Variants in KCNN2 observed in about 807,000 individuals in gnomAD.
The protein encoded by KCNN2 is small conductance calcium-activated potassium channel protein 2.
KCNN2 carries 24 observed loss-of-function variants against 55.5 expected under a neutral mutation model. The observed-to-expected ratio is 0.43, with a 90% CI of 0.31 to 0.61. KCNN2 has a LOEUF of 0.61. KCNN2 is among the 20% of genes least tolerant of loss of function. The pLI, the probability that KCNN2 is intolerant of heterozygous loss-of-function variation, is 0.08. For synonymous variants in KCNN2, 431 were observed against 336.1 expected (o/e 1.28, Z -3.09); for missense variants, 754 against 853.6 (o/e 0.88, Z 1.45).
intron 3 of KCNN2, among the ~76,000 whole-genome samples, chr5:114,449,458 C>T (rs1760555041): frequency 6.6e-6 from 1 of 152,178 alleles, no homozygotes; most frequent in African/African-American, 2.4e-5. Context: ...GAATATAGAG[C>T]ACACAGTCTG....
chr5:114,437,871 C>G (rs942193429), intron 3 of KCNN2, among the ~76,000 whole-genome samples: 83 of 152,154 alleles, frequency 5.5e-4, no homozygotes, highest in African/African-American at 1.8e-3. Context: ...TTGTTTTTGG[C>G]TTTTCTAAAC....
At chr5:114,109,954 A>G (rs1751562106) in intron 1 of KCNN2, among the ~76,000 whole-genome samples, 1 of 152,062 alleles carries the variant, frequency 6.6e-6, no homozygotes. Flanking sequence ...GGGATTGTTA[A>G]GAGGTGATTA....
At chr5:114,340,127 C>G (rs921155275) in intron 2 of KCNN2, among the ~76,000 whole-genome samples, 3 of 152,108 alleles carry the variant, frequency 2.0e-5, no homozygotes, top group African/African-American at 7.2e-5. Context: ...AAGTAGGAGT[C>G]AATTTTTTTT....
intron 1 of KCNN2, among the ~76,000 whole-genome samples, chr5:114,161,950 T>A (rs950709674): frequency 6.6e-6 from 1 of 152,232 alleles, no homozygotes; most frequent in African/African-American, 2.4e-5. Flanking sequence ...GGTTCAAGCT[T>A]CCTCCTTTAG....
intron 1 of KCNN2, among the ~76,000 whole-genome samples, chr5:114,113,331 T>A (rs779398229): frequency 6.6e-6 from 1 of 151,858 alleles, no homozygotes; most frequent in Non-Finnish European, 1.5e-5. Flanking sequence ...TGAAGTCAGA[T>A]CTCGGTCTCA....
rs116315253 is a variant in KCNN2, at chr5:114,290,750, T to C, written c.-185+69185T>C. 8.5e-3 allele frequency among the ~76,000 whole-genome samples: 1,293 copies of C among 152,242 alleles called. 14 individuals are homozygous for C. Among genetic ancestry groups the C allele is most frequent in the South Asian group, 0.02 (97 of 4,830 alleles). ...CTATAAATTTACCTCTGAACACCGC[T>C]TTTACTGTATTCCCTAAGTTTCTTT... On this transcript the variant is annotated intron_variant, in intron 2 of 10. Coordinates refer to the KCNN2 transcript ENST00000512097.
At chr5:114,433,497 CTGGAGCCAGCAG>C (rs1759875705) in intron 3 of KCNN2, 2 of 152,328 alleles carry the variant, frequency 1.3e-5, no homozygotes, top group Non-Finnish European at 2.9e-5. Context: ...AAGCAGGCTA[CTGGAGCCAGCAG>C]TGGCAACCCG....
At chr5:114,247,835 A>T (rs1369863277) in intron 2 of KCNN2, among the ~76,000 whole-genome samples, 2 of 152,020 alleles carry the variant, frequency 1.3e-5, no homozygotes, top group African/African-American at 2.4e-5. Flanking sequence ...CAGAGGAAGG[A>T]TTATGTCTTA....
chr5:114,141,370 A>G (rs1207783192), intron 1 of KCNN2, among the ~76,000 whole-genome samples: 1 of 151,476 alleles, frequency 6.6e-6, no homozygotes, highest in Non-Finnish European at 1.5e-5. Context: ...ATGAGTGAGA[A>G]CACGCGGAGT....
At chr5:114,069,329 A>C (rs1906221) in intron 1 of KCNN2, among the ~76,000 whole-genome samples, 1,827 of 147,654 alleles carry the variant, frequency 0.012, 48 homozygotes, top group African/African-American at 0.044. Context: ...CTCCATCAGA[A>C]AAAAAATAGC....
At chr5:114,473,395 A>C (rs766962336) in intron 5 of KCNN2, among the ~76,000 whole-genome samples, 11 of 152,152 alleles carry the variant, frequency 7.2e-5, no homozygotes, top group Non-Finnish European at 1.5e-4. Flanking sequence ...GAGTCACATA[A>C]ATGTTAGGTA....
At chr5:114,097,408 C>A (rs141820456) in intron 1 of KCNN2, among the ~76,000 whole-genome samples, 1 of 152,096 alleles carries the variant, frequency 6.6e-6, no homozygotes, top group Non-Finnish European at 1.5e-5. Context: ...TCTCTGTGTC[C>A]TGTAGTTGAT....
rs747266264 is a variant in KCNN2 at position 114,217,722 on chromosome 5, C to T, written c.-270-3758C>T. 6.2e-4 allele frequency among the ~76,000 whole-genome samples: 94 copies of T among 151,864 alleles called. 1 individual carries two copies. The highest frequency in any genetic ancestry group is 1.1e-3 in the Non-Finnish European group (78 of 67,964). On this transcript the variant is annotated intron_variant, in intron 1 of 10. Transcript: ENST00000512097. ...GGCTTTTTAGGTACAACACTAAAGG[C>T]GTGATCCATGAAAGAAAGAATTGAT...
At chr5:114,184,921 G>C (rs1013545437) in intron 1 of KCNN2, among the ~76,000 whole-genome samples, 4 of 152,224 alleles carry the variant, frequency 2.6e-5, no homozygotes, top group Admixed American at 2.6e-4. Flanking sequence ...CATTTAAAGC[G>C]TAATCATTTT....
chr5:114,258,253 T>C (rs1343239264), intron 2 of KCNN2, among the ~76,000 whole-genome samples: 2 of 152,212 alleles, frequency 1.3e-5, no homozygotes, highest in African/African-American at 4.8e-5. Flanking sequence ...GCTAGCATTT[T>C]GTTGAGGATT....
chr5:114,214,286 A>G (rs1344090266), intron 1 of KCNN2, among the ~76,000 whole-genome samples: 1 of 151,938 alleles, frequency 6.6e-6, no homozygotes, highest in African/African-American at 2.4e-5. Context: ...CATGGTTGTG[A>G]TGCAATAAAA....
intron 2 of KCNN2, among the ~76,000 whole-genome samples, chr5:114,259,041 G>T (rs964996516): frequency 6.6e-6 from 1 of 152,122 alleles, no homozygotes; most frequent in Admixed American, 6.5e-5. Flanking sequence ...GTCTATAGCT[G>T]TCAGGGGCCC....
chr5:114,426,231 T>C (rs1759620400), intron 3 of KCNN2, among the ~76,000 whole-genome samples: 1 of 152,178 alleles, frequency 6.6e-6, no homozygotes, highest in Non-Finnish European at 1.5e-5. Flanking sequence ...CAATTATATT[T>C]TGAACAAATC....
exon 1 of KCNN2, chr5:114,056,128 G>A (rs1375513139): frequency 1.3e-5 from 5 of 380,468 alleles, no homozygotes; most frequent in Non-Finnish European, 2.3e-5. Context: ...ACCGAAGCAG[G>A]GGCAGCCAGG....
Sources: allele counts gnomAD v4.1 joint callset (sites outside exome capture counted in the v4.1 genomes callset), GRCh38; gene constraint gnomAD v4.1.1; transcripts MANE v1.5; gene names NCBI Gene and HGNC (gene_info 2026-07-23, HGNC 2026-07-21).